Variants in MYRIP observed in about 807,000 individuals in gnomAD.
The protein encoded by MYRIP is rab effector MyRIP.
MYRIP carries 49 observed loss-of-function variants against 98.0 expected under a neutral mutation model. The observed-to-expected ratio is 0.50, with a 90% CI of 0.40 to 0.63. The LOEUF is 0.63. Ranked by LOEUF, MYRIP falls within the 30% of genes least tolerant of loss-of-function variation. The pLI, the probability that MYRIP is intolerant of heterozygous loss-of-function variation, is 0.00. For missense variants in MYRIP, 1,004 were observed against 1,058.2 expected, an observed-to-expected ratio of 0.95 and a Z score of 0.71; for synonymous variants, 404 against 409.5, an observed-to-expected ratio of 0.99 and a Z score of 0.16.
At chr3:40,143,266 T>G (rs1472271619) in intron 3 of MYRIP, among the ~76,000 whole-genome samples, 1 of 152,224 alleles carries the variant, frequency 6.6e-6, no homozygotes, top group Non-Finnish European at 1.5e-5. Context: ...GATTCCACCC[T>G]GTCCTCTATT....
At chr3:40,180,758 T>A (rs1421367627) in intron 8 of MYRIP, among the ~76,000 whole-genome samples, 1 of 152,204 alleles carries the variant, frequency 6.6e-6, no homozygotes, top group East Asian at 1.9e-4. Context: ...CCATATTTGT[T>A]CTGTAAGCCC....
chr3:39,900,393 T>C (rs1254759225), intron 1 of MYRIP, among the ~76,000 whole-genome samples: 1 of 151,646 alleles, frequency 6.6e-6, no homozygotes, highest in Non-Finnish European at 1.5e-5. Flanking sequence ...TATAAAATAA[T>C]TATTTTGTTT....
At chr3:40,075,403 G>A (rs1402626886) in intron 3 of MYRIP, among the ~76,000 whole-genome samples, 1 of 152,202 alleles carries the variant, frequency 6.6e-6, no homozygotes, top group Non-Finnish European at 1.5e-5. Flanking sequence ...ATTCCATGAA[G>A]TACTGAAGTA....
At position 40,067,520 on chromosome 3, in the gene MYRIP, T is replaced by C. The variant is rs989133336; in HGVS notation, c.332+23249T>C. ...CCAAGAAGATCTGTTCCCTCCAAAA[T>C]ACCAGGAGGGTTCTGTTGAGTGGCA... On this transcript the variant is annotated intron_variant, in intron 3 of 16. Coordinates refer to ENST00000302541, the MANE Select transcript of MYRIP (RefSeq NM_015460.4). Among the ~76,000 whole-genome samples the C allele has an allele frequency of 8.5e-5, 13 of 152,284 alleles. No homozygotes were observed. In the South Asian group the frequency reaches 2.7e-3, roughly 32 times the overall value.
chr3:39,831,219 C>T (rs1327598032), intron 1 of MYRIP, among the ~76,000 whole-genome samples: 2 of 152,142 alleles, frequency 1.3e-5, no homozygotes, highest in Non-Finnish European at 1.5e-5. Context: ...TTTATCTTAC[C>T]TCCTATAGAC....
intron 1 of MYRIP, among the ~76,000 whole-genome samples, chr3:39,835,902 G>A (rs953414733): frequency 1.8e-4 from 28 of 152,084 alleles, no homozygotes; most frequent in African/African-American, 6.5e-4. Context: ...CTTCATCCAT[G>A]TCCCTGCAAA....
In MYRIP at chr3:40,233,792, G is replaced by C. The variant is rs539565946; in HGVS notation, c.1906-67G>C. The C allele has an allele frequency of 1.5e-5, 22 of 1,436,120 alleles. No homozygotes were observed. The Admixed American group carries it at 1.8e-4, about 12-fold the overall frequency. 89.0% of individuals were successfully genotyped at this position (1,436,120 alleles called of 1,614,324 possible). On this transcript the variant is annotated intron_variant, in intron 11 of 16. Coordinates refer to ENST00000302541, the MANE Select transcript of MYRIP (RefSeq NM_015460.4). ...TGATGATGAGTGTCATGATAACATA[G>C]AATTTCTGTGTCATTGTTAATGTGC...
At chr3:39,874,966 G>C (rs1424390176) in intron 1 of MYRIP, among the ~76,000 whole-genome samples, 2 of 152,060 alleles carry the variant, frequency 1.3e-5, no homozygotes, top group African/African-American at 2.4e-5. Flanking sequence ...GAATCCATCT[G>C]GTCCTGGACT....
intron 2 of MYRIP, among the ~76,000 whole-genome samples, chr3:39,953,158 A>C (rs923354024): frequency 2.6e-5 from 4 of 151,920 alleles, no homozygotes; most frequent in Non-Finnish European, 4.4e-5. Context: ...GGCTTGTCTC[A>C]CCCTGGTAGA....
At chr3:39,845,297 C>T (rs1357556521) in intron 1 of MYRIP, among the ~76,000 whole-genome samples, 5 of 151,976 alleles carry the variant, frequency 3.3e-5, no homozygotes, top group Non-Finnish European at 7.4e-5. Flanking sequence ...AGATGTATGC[C>T]CTTGGGATGG....
At chr3:40,129,845 A>G (rs893555671) in intron 3 of MYRIP, among the ~76,000 whole-genome samples, 1 of 152,184 alleles carries the variant, frequency 6.6e-6, no homozygotes, top group Non-Finnish European at 1.5e-5. Context: ...TGGCATTCCT[A>G]GGTGAAACTT....
At chr3:40,119,048 A>G (rs1240570855) in intron 3 of MYRIP, among the ~76,000 whole-genome samples, 1 of 152,066 alleles carries the variant, frequency 6.6e-6, no homozygotes, top group Non-Finnish European at 1.5e-5. Context: ...ATACGTGTGC[A>G]TGTGTCTTTA....
At chr3:39,817,966 T>C (rs960666833) in intron 1 of MYRIP, among the ~76,000 whole-genome samples, 3 of 152,182 alleles carry the variant, frequency 2.0e-5, no homozygotes, top group Non-Finnish European at 1.5e-5. Flanking sequence ...ATGAATATTA[T>C]TTTTTAAAAA....
chr3:40,252,217 G>A (rs533806784), intron 16 of MYRIP, among the ~76,000 whole-genome samples: 8 of 152,030 alleles, frequency 5.3e-5, no homozygotes, highest in East Asian at 1.9e-4. Context: ...ACACACCGCC[G>A]GTCACCCTCC....
intron 1 of MYRIP, among the ~76,000 whole-genome samples, chr3:39,823,464 C>A (rs1405347476): frequency 6.6e-6 from 1 of 152,146 alleles, no homozygotes; most frequent in Admixed American, 6.5e-5. Context: ...TTTTACACTC[C>A]CACCAACAGT....
At chr3:39,901,200 C>T (rs1166447532) in intron 2 of MYRIP, among the ~76,000 whole-genome samples, 1 of 152,182 alleles carries the variant, frequency 6.6e-6, no homozygotes, top group Admixed American at 6.5e-5. Context: ...GAACACGCTG[C>T]CTTGAGCTTC....
intron 2 of MYRIP, among the ~76,000 whole-genome samples, chr3:39,932,772 A>G (rs1052906316): frequency 1.7e-4 from 26 of 152,180 alleles, no homozygotes; most frequent in African/African-American, 6.0e-4. Context: ...GCACTCTTGT[A>G]GCCTAATAGC....
chr3:40,243,891 C>A (rs1300300991), intron 12 of MYRIP, among the ~76,000 whole-genome samples: 1 of 152,170 alleles, frequency 6.6e-6, no homozygotes, highest in East Asian at 1.9e-4. Context: ...TAACATCACA[C>A]TATTTTCTAA....
chr3:39,852,970 C>T (rs976646200), intron 1 of MYRIP, among the ~76,000 whole-genome samples: 3 of 152,050 alleles, frequency 2.0e-5, no homozygotes, highest in Admixed American at 2.0e-4. Context: ...TTGATAGAGA[C>T]GGGGTTTCAT....
Sources: gnomAD v4.1 joint callset for allele counts (sites outside exome capture counted in the v4.1 genomes callset) on GRCh38, gnomAD v4.1.1 for gene constraint, MANE v1.5 for transcripts, NCBI Gene and HGNC (gene_info 2026-07-23, HGNC 2026-07-21) for gene names.